CSMD3: variants seen among roughly 807,000 people sequenced by gnomAD.
The protein encoded by CSMD3 is CUB and Sushi multiple domains 3, also known as CUB and sushi domain-containing protein 3.
Under a neutral mutation model 435.2 loss-of-function variants are expected in CSMD3, and 177 were observed. The ratio of observed to expected loss-of-function variants is 0.41; its 90% CI spans 0.36 to 0.46. The LOEUF (loss-of-function observed/expected upper bound fraction) is 0.46. Ranked by LOEUF, CSMD3 falls within the 20% of genes least tolerant of loss-of-function variation. CSMD3 has a pLI of 0.34. For missense variants in CSMD3, 4,265 were observed against 4,504.6 expected (o/e 0.95, Z 1.52); for synonymous variants, 1,656 against 1,520.5 (o/e 1.09, Z -2.07).
intron 13 of CSMD3, among the ~76,000 whole-genome samples, chr8:112,791,362 C>T (rs952660194): frequency 6.0e-5 from 9 of 150,384 alleles, no homozygotes; most frequent in African/African-American, 2.2e-4. Flanking sequence ...GTCTATCACC[C>T]AGTAAAAGTT....
chr8:113,224,568 T>C (rs2093005262), intron 3 of CSMD3, among the ~76,000 whole-genome samples: 1 of 151,298 alleles, frequency 6.6e-6, no homozygotes, highest in South Asian at 2.1e-4. Flanking sequence ...CTTAGAATTT[T>C]TGTGAACAGT....
At chr8:113,010,128 C>G (rs946397532) in intron 6 of CSMD3, among the ~76,000 whole-genome samples, 2 of 151,658 alleles carry the variant, frequency 1.3e-5, no homozygotes, top group Non-Finnish European at 3.0e-5. Flanking sequence ...GAAAAGGTGT[C>G]TTGGAGTACA....
At chr8:113,135,914 T>A (rs372569741) in intron 4 of CSMD3, among the ~76,000 whole-genome samples, 4 of 151,978 alleles carry the variant, frequency 2.6e-5, no homozygotes, top group African/African-American at 9.6e-5. Context: ...CTAATTTAAC[T>A]AAAATCTCCG....
intron 47 of CSMD3, among the ~76,000 whole-genome samples, chr8:112,318,021 A>G (rs889701835): frequency 6.6e-6 from 1 of 152,086 alleles, no homozygotes; most frequent in African/African-American, 2.4e-5. Context: ...AATGAACAAT[A>G]AATGTTTTTT....
chr8:112,308,694 G>C (rs1821673135), intron 50 of CSMD3, among the ~76,000 whole-genome samples: 1 of 151,970 alleles, frequency 6.6e-6, no homozygotes, highest in Non-Finnish European at 1.5e-5. Context: ...TTCAATTTTT[G>C]AGGGGGGGAT....
At chr8:113,257,208 A>C (rs111339632) in intron 3 of CSMD3, among the ~76,000 whole-genome samples, 20 of 152,234 alleles carry the variant, frequency 1.3e-4, no homozygotes, top group South Asian at 6.2e-4. Flanking sequence ...GGAGATCAAG[A>C]CCTTCCTGGC....
At chr8:112,459,287 T>C (rs1370344501) in intron 32 of CSMD3, among the ~76,000 whole-genome samples, 1 of 151,462 alleles carries the variant, frequency 6.6e-6, no homozygotes, top group African/African-American at 2.4e-5. Flanking sequence ...TACTTTGGGT[T>C]TTTTTTCCTC....
chr8:112,637,890 G>A (rs2074705582), intron 21 of CSMD3, among the ~76,000 whole-genome samples: 1 of 151,836 alleles, frequency 6.6e-6, no homozygotes, highest in South Asian at 2.1e-4. Context: ...TACTAAAATA[G>A]TTGTTTAAGA....
chr8:112,799,575 T>C (rs2078912791), intron 13 of CSMD3, among the ~76,000 whole-genome samples: 2 of 151,954 alleles, frequency 1.3e-5, no homozygotes, highest in Non-Finnish European at 2.9e-5. Flanking sequence ...GTCCAACATG[T>C]GTGGAAGATA....
intron 70 of CSMD3, among the ~76,000 whole-genome samples, chr8:112,226,334 G>A (rs1812555620): frequency 6.6e-6 from 1 of 151,976 alleles, no homozygotes; most frequent in African/African-American, 2.4e-5. Flanking sequence ...TAATAATCAT[G>A]AAGATACAAA....
chr8:112,808,465 G>T (rs1478869543), intron 12 of CSMD3, among the ~76,000 whole-genome samples: 1 of 151,864 alleles, frequency 6.6e-6, no homozygotes, highest in Non-Finnish European at 1.5e-5. Context: ...TTTCTTCAAG[G>T]ACTTAACTTG....
At chr8:112,731,358 C>T (rs2077071161) in intron 13 of CSMD3, among the ~76,000 whole-genome samples, 1 of 152,082 alleles carries the variant, frequency 6.6e-6, no homozygotes, top group Admixed American at 6.6e-5. Flanking sequence ...ATCTGTGCAA[C>T]TATATTGAAT....
chr8:113,031,382 G>T (rs1473897888), intron 5 of CSMD3, among the ~76,000 whole-genome samples: 1 of 151,458 alleles, frequency 6.6e-6, no homozygotes, highest in Admixed American at 6.6e-5. Flanking sequence ...GTATAAAACA[G>T]AACATTAAGA....
At chr8:113,346,525 T>C (rs1203278221) in intron 1 of CSMD3, among the ~76,000 whole-genome samples, 2 of 152,098 alleles carry the variant, frequency 1.3e-5, no homozygotes, top group African/African-American at 4.8e-5. Flanking sequence ...TAGATTTTTT[T>C]TAAAAAATGG....
chr8:112,391,993 T>C (rs73700689), intron 35 of CSMD3, among the ~76,000 whole-genome samples: 3,228 of 152,246 alleles, frequency 0.021, 107 homozygotes, highest in African/African-American at 0.073. Context: ...TTACAATCTC[T>C]GAAACACAGA....
In CSMD3 at chr8:112,565,764, A is replaced by G. The variant is rs577958841; in HGVS notation, c.4042+7737T>C. Among the ~76,000 whole-genome samples, 6 of 152,230 alleles carry G rather than the reference A, an allele frequency of 3.9e-5. No homozygotes were observed. The South Asian group carries it at 1.2e-3, about 32-fold the overall frequency. Reference sequence around the variant, plus strand: ...TAGTATAATCCATCAATAAGTTGCAATTTGGCTCTGTAATAGATGGCTGTT... The same window carrying G: ...TAGTATAATCCATCAATAAGTTGCAGTTTGGCTCTGTAATAGATGGCTGTT... On this transcript the variant is annotated intron_variant, in intron 24 of 70. Transcript: ENST00000297405.
At chr8:113,113,930 C>T (rs958486246) in intron 4 of CSMD3, among the ~76,000 whole-genome samples, 1 of 151,976 alleles carries the variant, frequency 6.6e-6, no homozygotes, top group Non-Finnish European at 1.5e-5. Flanking sequence ...AGTATTGAGC[C>T]GACTGACATA....
intron 6 of CSMD3, among the ~76,000 whole-genome samples, chr8:112,983,866 T>C (rs957686518): frequency 6.6e-6 from 1 of 151,524 alleles, no homozygotes; most frequent in Non-Finnish European, 1.5e-5. Context: ...TGTGAAAGGG[T>C]TGCTGAGCAA....
intron 7 of CSMD3, among the ~76,000 whole-genome samples, chr8:112,967,875 G>A (rs1266506073): frequency 6.7e-6 from 1 of 150,280 alleles, no homozygotes; most frequent in Non-Finnish European, 1.5e-5. Flanking sequence ...GAAAAAAACT[G>A]AAAAGAAGTA....
Sources: gnomAD v4.1 joint callset for allele counts (sites outside exome capture counted in the v4.1 genomes callset) on GRCh38, gnomAD v4.1.1 for gene constraint, MANE v1.5 for transcripts, NCBI Gene and HGNC (gene_info 2026-07-23, HGNC 2026-07-21) for gene names.